Variants in PEAK1 observed in about 807,000 individuals in gnomAD.
PEAK1 encodes inactive tyrosine-protein kinase PEAK1.
In PEAK1, 54 loss-of-function variants were observed where a neutral mutation model predicts 124.7. The ratio of observed to expected loss-of-function variants is 0.43; its 90% confidence interval spans 0.35 to 0.54. The LOEUF is 0.54. Ranked by LOEUF, PEAK1 falls within the 20% of genes least tolerant of loss-of-function variation. The pLI is 0.01. For missense variants in PEAK1, 2,046 were observed against 2,134.5 expected (o/e 0.96, Z 0.82); for synonymous variants, 719 against 760.0 (o/e 0.95, Z 0.89).
At chr15:77,386,438 C>T (rs1054993268) in intron 1 of PEAK1, among the ~76,000 whole-genome samples, 1 of 152,138 alleles carries the variant, frequency 6.6e-6, no homozygotes, top group Non-Finnish European at 1.5e-5. Flanking sequence ...TAGCACAAAG[C>T]TATTAACATT....
intron 2 of PEAK1, among the ~76,000 whole-genome samples, chr15:77,329,693 T>A (rs923444786): frequency 6.6e-6 from 1 of 152,220 alleles, no homozygotes; most frequent in African/African-American, 2.4e-5. Flanking sequence ...GACCATTCTG[T>A]TGAACTATAT....
intron 6 of PEAK1, among the ~76,000 whole-genome samples, chr15:77,184,559 G>A (rs1022668318): frequency 6.6e-6 from 1 of 152,168 alleles, no homozygotes; most frequent in African/African-American, 2.4e-5. Context: ...TAAATGTTAG[G>A]TGGCAGTGGT....
chr15:77,412,953 T>C (rs1252148020), intron 1 of PEAK1, among the ~76,000 whole-genome samples: 1 of 152,192 alleles, frequency 6.6e-6, no homozygotes, highest in Non-Finnish European at 1.5e-5. Flanking sequence ...AAAATAATGA[T>C]AGCATTTAAT....
rs567300498 is a variant in PEAK1, at chr15:77,264,968, A to T, written c.-274-12442T>A. 5.3e-5 allele frequency among the ~76,000 whole-genome samples: 8 copies of T among 152,240 alleles called. No homozygotes were observed. The South Asian group carries it at 1.5e-3, about 28-fold the overall frequency. On this transcript the variant is annotated intron_variant, in intron 5 of 9. Coordinates refer to ENST00000682557, the MANE Select transcript of PEAK1 (RefSeq NM_001385026.1). ...TAACACTGCATATCTGCAACTATCT[A>T]ATCTTTGACAAACCTGAGAAAAACA...
chr15:77,299,474 C>G (rs1485768667), intron 2 of PEAK1, among the ~76,000 whole-genome samples: 2 of 152,164 alleles, frequency 1.3e-5, no homozygotes, highest in Non-Finnish European at 2.9e-5. Flanking sequence ...TGATACATTA[C>G]TAGCCTGTGA....
intron 6 of PEAK1, among the ~76,000 whole-genome samples, chr15:77,236,666 A>C (rs1596784343): frequency 6.6e-6 from 1 of 152,118 alleles, no homozygotes; most frequent in Non-Finnish European, 1.5e-5. Flanking sequence ...TTGAAATGTG[A>C]GGACATGAAA....
chr15:77,265,932 A>C (rs1181329953), intron 5 of PEAK1, among the ~76,000 whole-genome samples: 2 of 152,258 alleles, frequency 1.3e-5, no homozygotes, highest in Non-Finnish European at 2.9e-5. Context: ...AGCCATAAAA[A>C]ATGAGGAGTT....
In PEAK1 at chr15:77,352,784, A is replaced by C. The variant is rs1037907898; in HGVS notation, c.-603+12379T>G. 4 of 980,764 alleles carry C rather than the reference A, an allele frequency of 4.1e-6. No homozygotes were observed. The African/African-American group carries it at 7.0e-5, about 17-fold the overall frequency. The allele number at this position is 980,764 out of a possible 1,614,324, so 60.8% of individuals were successfully genotyped here. A position where few individuals can be genotyped will look rare whatever the true frequency, so the allele number is the denominator to read the frequency against. On this transcript the variant is annotated intron_variant, in intron 2 of 9. Transcript: ENST00000682557. The stretch of plus-strand genomic sequence containing the variant: ...GACAGACATACAAAAGTCAGGATCA[A>C]CTTCTCAGAAAGTCAAAGCAATTTG...
At chr15:77,243,491 T>G (rs796565350) in intron 6 of PEAK1, among the ~76,000 whole-genome samples, 38 of 152,372 alleles carry the variant, frequency 2.5e-4, no homozygotes, top group African/African-American at 8.7e-4. Context: ...ATCAATGATT[T>G]TCTTAATCAG....
intron 2 of PEAK1, among the ~76,000 whole-genome samples, chr15:77,288,597 C>G (rs1385527349): frequency 6.6e-6 from 1 of 152,148 alleles, no homozygotes; most frequent in Admixed American, 6.5e-5. Context: ...AAGGTCTTAA[C>G]CTGGTGGATC....
chr15:77,230,184 G>A (rs1180608755), intron 6 of PEAK1, among the ~76,000 whole-genome samples: 2 of 149,112 alleles, frequency 1.3e-5, no homozygotes, highest in African/African-American at 2.5e-5. Flanking sequence ...CATCATGCAA[G>A]TGACAGCATT....
At position 77,279,469 on chromosome 15, in the gene PEAK1, A is replaced by G. The variant is rs77696628; in HGVS notation, c.-275+4414T>C. On this transcript the variant is annotated intron_variant, in intron 5 of 9. Coordinates refer to ENST00000682557, the MANE Select transcript of PEAK1 (RefSeq NM_001385026.1). ...ATAATTGGTTACCAGTGTGTCAGAC[A>G]ATCTGGATGTTCCAGTGATACCACT... 7.6e-3 allele frequency among the ~76,000 whole-genome samples: 1,163 copies of G among 152,320 alleles called. 14 individuals carry two copies. The highest frequency in any genetic ancestry group is 0.027 in the African/African-American group (1,110 of 41,568).
chr15:77,286,307 A>T, intron 3 of PEAK1, 116 bp downstream of exon 3: 1 of 481,040 alleles, frequency 2.1e-6, no homozygotes. Context: ...TCTCCTCCAT[A>T]CTACTATGGC....
intron 1 of PEAK1, among the ~76,000 whole-genome samples, chr15:77,405,754 A>G (rs894807489): frequency 1.3e-5 from 2 of 152,142 alleles, no homozygotes; most frequent in African/African-American, 4.8e-5. Flanking sequence ...TTTGCTACAC[A>G]ACTGACAACT....
chr15:77,130,219 A>C lies in PEAK1; in HGVS notation c.4077+2786T>G, dbSNP rs558791815. On this transcript the variant is annotated intron_variant, in intron 9 of 9. Transcript: ENST00000682557. ...CTGTTTTGAAAGAACAGATAGTTCA[A>C]TGTCCCTTTCTGAAACAGGTACTCA... Among the ~76,000 whole-genome samples, 3 of 152,342 alleles carry C rather than the reference A, an allele frequency of 2.0e-5. No individual in the cohort carries two copies. The East Asian group carries it at 5.8e-4, about 29-fold the overall frequency.
intron 6 of PEAK1, among the ~76,000 whole-genome samples, chr15:77,211,301 G>A (rs887919801): frequency 6.6e-6 from 1 of 152,062 alleles, no homozygotes; most frequent in African/African-American, 2.4e-5. Flanking sequence ...CAAAACAATA[G>A]ATTTTTAAAA....
chr15:77,304,572 C>T (rs897675543), intron 2 of PEAK1, among the ~76,000 whole-genome samples: 8 of 151,762 alleles, frequency 5.3e-5, no homozygotes, highest in Admixed American at 1.3e-4. Flanking sequence ...CTCAGCCTCC[C>T]GAGTAGCTGG....
intron 2 of PEAK1, among the ~76,000 whole-genome samples, chr15:77,290,656 C>T (rs1313607205): frequency 1.3e-5 from 2 of 151,996 alleles, no homozygotes; most frequent in African/African-American, 4.8e-5. Context: ...CTCAAGCAAT[C>T]CTCCCGCCTC....
chr15:77,320,225 A>G (rs2065114196), intron 2 of PEAK1, among the ~76,000 whole-genome samples: 1 of 151,950 alleles, frequency 6.6e-6, no homozygotes, highest in African/African-American at 2.4e-5. Flanking sequence ...CCCTAGTGTC[A>G]CTCCTACCAA....
Sources: allele counts gnomAD v4.1 joint callset (sites outside exome capture counted in the v4.1 genomes callset), GRCh38; gene constraint gnomAD v4.1.1; transcripts MANE v1.5; gene names NCBI Gene and HGNC (gene_info 2026-07-23, HGNC 2026-07-21).